LTBP1: variants seen among roughly 807,000 people sequenced by gnomAD.
LTBP1 encodes latent transforming growth factor beta binding protein 1.
Under a neutral mutation model 207.6 loss-of-function variants are expected in LTBP1, and 129 were observed. That is an observed-to-expected ratio of 0.62 (90% confidence interval 0.54 to 0.72). The LOEUF (loss-of-function observed/expected upper bound fraction) is 0.72, where lower values mean the gene tolerates loss of function less well. Ranked by LOEUF, LTBP1 falls within the 30% of genes least tolerant of loss-of-function variation. The pLI is 0.00. For missense variants in LTBP1, 2,281 were observed against 2,217.2 expected (o/e 1.03, Z -0.58); for synonymous variants, 963 against 833.7 (o/e 1.16, Z -2.67).
intron 11 of LTBP1, 107 bp from the exon 12 acceptor site, chr2:33,257,177 A>C: frequency 2.7e-6 from 2 of 751,644 alleles, no homozygotes; most frequent in Non-Finnish European, 4.2e-6. Context: ...TTAAAATGTA[A>C]CTACATTAGT....
At chr2:33,390,494 T>G (rs1007301466) in intron 32 of LTBP1, among the ~76,000 whole-genome samples, 2 of 117,906 alleles carry the variant, frequency 1.7e-5, no homozygotes, top group African/African-American at 6.9e-5. Flanking sequence ...TCACCACAAA[T>G]TTTTTTTTTT....
chr2:33,300,643 A>G (rs890344188), intron 21 of LTBP1, 70 bp downstream of exon 21: 5 of 1,494,864 alleles, frequency 3.3e-6, no homozygotes, highest in Non-Finnish European at 3.6e-6. Flanking sequence ...GGTACGCTCA[A>G]TCAAGTGAGT....
chr2:33,089,399 C>T (rs1014917594), intron 3 of LTBP1, among the ~76,000 whole-genome samples: 5 of 152,116 alleles, frequency 3.3e-5, no homozygotes, highest in African/African-American at 9.7e-5. Flanking sequence ...GGTGATATTG[C>T]CCTCCACGTG....
intron 6 of LTBP1, among the ~76,000 whole-genome samples, chr2:33,188,312 T>G (rs1055551551): frequency 6.6e-6 from 1 of 150,664 alleles, no homozygotes; most frequent in African/African-American, 2.5e-5. Flanking sequence ...TCCCAGGTAC[T>G]CGGGAGGCTG....
intron 3 of LTBP1, among the ~76,000 whole-genome samples, chr2:33,084,677 C>A (rs1446508719): frequency 6.6e-6 from 1 of 152,220 alleles, no homozygotes; most frequent in Non-Finnish European, 1.5e-5. Flanking sequence ...ATAAAAAACT[C>A]CTGTGCGCAA....
rs183278951 is a variant in LTBP1, at chr2:33,130,096, A to T, written c.1034-4697A>T. 3.0e-3 allele frequency among the ~76,000 whole-genome samples: 452 copies of T among 152,286 alleles called. 6 individuals are homozygous for T. In the Middle Eastern group the frequency reaches 0.037, roughly 13 times the overall value. ...CTGAACAATAAAGTCCTGTTATTCT[A>T]AGCATTATTTAATATTTTTATGATT... On this transcript the variant is annotated intron_variant, in intron 4 of 33. Transcript: ENST00000404816.
At chr2:33,086,545 T>C (rs767549080) in intron 3 of LTBP1, among the ~76,000 whole-genome samples, 1 of 152,212 alleles carries the variant, frequency 6.6e-6, no homozygotes, top group African/African-American at 2.4e-5. Flanking sequence ...GACCCGAGAC[T>C]GCGGTGAATA....
intron 5 of LTBP1, among the ~76,000 whole-genome samples, chr2:33,167,915 G>C (rs1313742384): frequency 6.6e-6 from 1 of 152,204 alleles, no homozygotes; most frequent in African/African-American, 2.4e-5. Context: ...AGTTAAGCAG[G>C]AAATTGATGG....
At chr2:33,375,421 C>A (rs1276349778) in intron 31 of LTBP1, among the ~76,000 whole-genome samples, 1 of 152,200 alleles carries the variant, frequency 6.6e-6, no homozygotes, top group Non-Finnish European at 1.5e-5. Context: ...CCCCTGTGTA[C>A]TTGCAGAGAA....
chr2:33,286,333 G>A (rs937241247), intron 19 of LTBP1, among the ~76,000 whole-genome samples: 12 of 152,210 alleles, frequency 7.9e-5, no homozygotes, highest in African/African-American at 2.9e-4. Flanking sequence ...CAGAGAACTT[G>A]AAGAATAAAC....
rs183784989 is a variant in LTBP1 at position 33,117,228 on chromosome 2, G to A, written c.1033+6477G>A. Among the ~76,000 whole-genome samples the A allele has an allele frequency of 3.2e-4, 49 of 152,266 alleles. 1 individual carries two copies. In the Middle Eastern group the frequency reaches 0.014, roughly 42 times the overall value. ...CATAGTTCCACACTAAGAGAAGTAC[G>A]GCTGCTTTGGACACACGAGGCCTCT... On this transcript the variant is annotated intron_variant, in intron 4 of 33. Coordinates refer to ENST00000404816, the MANE Select transcript of LTBP1 (RefSeq NM_206943.4).
At position 33,182,687 on chromosome 2, in the gene LTBP1, G is replaced by GAGATATATAATATATATATATATAT. The variant is rs1469125010; in HGVS notation, c.1202-4168_1202-4167insGATATATAATATATATATATATATA. Among the ~76,000 whole-genome samples, 101 of 66,844 alleles carry GAGATATATAATATATATATATATAT rather than the reference G, an allele frequency of 1.5e-3. 5 individuals carry two copies. The highest frequency in any genetic ancestry group is 2.6e-3 in the Non-Finnish European group (80 of 31,130). The allele number at this position is 66,844 out of a possible 152,430, so 43.9% of individuals were successfully genotyped here. A position where few individuals can be genotyped will look rare whatever the true frequency, so the allele number is the denominator to read the frequency against. ...AAAAAAAAAAAGAAGAAAAGATGGT[G>GAGATATATAATATATATATATATAT]ATATATATATATACACACACACACA... On this transcript the variant is annotated intron_variant, in intron 5 of 33. Transcript: ENST00000404816.
chr2:32,992,214 G>T (rs1475446091), intron 2 of LTBP1, among the ~76,000 whole-genome samples: 6 of 152,140 alleles, frequency 3.9e-5, no homozygotes, highest in African/African-American at 1.4e-4. Context: ...ATGCTGCCAC[G>T]TGAAATGCAT....
Position 33,324,551 on chromosome 2 carries a change from A to T in LTBP1, c.3730+9282A>T, listed in dbSNP as rs1239404811. On this transcript the variant is annotated intron_variant, in intron 24 of 33. Coordinates refer to ENST00000404816, the MANE Select transcript of LTBP1 (RefSeq NM_206943.4). ...GTTTCCTTATTATGTGAGCATCTAA[A>T]AGGAGGGAAACATTTAACAACTATT... is the stretch of plus-strand genomic sequence containing the variant. Among the ~76,000 whole-genome samples the T allele has an allele frequency of 2.0e-5, 3 of 152,244 alleles. No homozygotes were observed. The East Asian group carries it at 5.8e-4, about 29-fold the overall frequency.
intron 2 of LTBP1, among the ~76,000 whole-genome samples, chr2:33,007,076 G>T (rs1286545580): frequency 6.6e-6 from 1 of 152,092 alleles, no homozygotes; most frequent in Non-Finnish European, 1.5e-5. Context: ...GAAAGGGGTG[G>T]TTTTTTGAGA....
chr2:33,027,689 T>C (rs1217609940), intron 3 of LTBP1, among the ~76,000 whole-genome samples: 1 of 151,886 alleles, frequency 6.6e-6, no homozygotes, highest in Non-Finnish European at 1.5e-5. Context: ...ATACAAAAAT[T>C]AGCGGGGCGT....
chr2:32,959,560 T>C (rs990612643), intron 2 of LTBP1, among the ~76,000 whole-genome samples: 1 of 145,146 alleles, frequency 6.9e-6, no homozygotes, highest in Non-Finnish European at 1.5e-5. Flanking sequence ...TGTGTGTGTG[T>C]GTGTGTGTGT....
At chr2:33,078,303 T>C (rs2078193177) in intron 3 of LTBP1, among the ~76,000 whole-genome samples, 2 of 152,228 alleles carry the variant, frequency 1.3e-5, no homozygotes, top group South Asian at 4.1e-4. Context: ...ATAAATATTC[T>C]GGAGGGTGGA....
At chr2:33,340,491 C>T (rs899068459) in intron 24 of LTBP1, among the ~76,000 whole-genome samples, 2 of 152,132 alleles carry the variant, frequency 1.3e-5, no homozygotes, top group African/African-American at 2.4e-5. Flanking sequence ...AAGAATATTC[C>T]GTCACTGAAC....
Sources: allele counts gnomAD v4.1 joint callset (sites outside exome capture counted in the v4.1 genomes callset), GRCh38; gene constraint gnomAD v4.1.1; transcripts MANE v1.5; gene names NCBI Gene and HGNC (gene_info 2026-07-23, HGNC 2026-07-21).